The following NRXN3 variants were observed in gnomAD, a reference collection of about 807,000 sequenced individuals.
NRXN3 encodes neurexin III.
A neutral mutation model predicts 137.6 loss-of-function variants in NRXN3; 32 were observed. The observed-to-expected ratio is 0.23, with a 90% CI of 0.18 to 0.31. NRXN3 has a LOEUF of 0.31. Among genes scored for constraint, NRXN3 ranks in the 10% least tolerant of loss-of-function variants. NRXN3 has a pLI of 1.00. For missense variants in NRXN3, 1,574 were observed against 2,062.5 expected (o/e 0.76, Z 4.59); for synonymous variants, 798 against 784.5 (o/e 1.02, Z -0.29).
At chr14:79,577,668 C>A (rs558085105) in intron 16 of NRXN3, among the ~76,000 whole-genome samples, 13 of 152,294 alleles carry the variant, frequency 8.5e-5, no homozygotes, top group African/African-American at 2.9e-4. Context: ...TCCTCAAGTG[C>A]AGAGATCTTG....
At chr14:78,457,012 C>T (rs1286709350) in intron 4 of NRXN3, among the ~76,000 whole-genome samples, 1 of 148,558 alleles carries the variant, frequency 6.7e-6, no homozygotes, top group Non-Finnish European at 1.5e-5. Context: ...TCTTCCTCCT[C>T]CTCATCTCCC....
At position 78,278,701 on chromosome 14, in the gene NRXN3, C is replaced by G. The variant is rs1350489473; in HGVS notation, c.727+39C>G. 6 of 1,519,728 alleles carry G rather than the reference C, an allele frequency of 3.9e-6. No homozygotes were observed. The South Asian group carries it at 4.8e-5, about 12-fold the overall frequency. The allele number at this position is 1,519,728 out of a possible 1,614,324, so 94.1% of individuals were successfully genotyped here. A position where few individuals can be genotyped will look rare whatever the true frequency, so the allele number is the denominator to read the frequency against. ...TTTGCACAGCTGCTGTGGGAATTTC[C>G]CCTCTGCTAGATTGTGCATGGTTTG... On this transcript the variant is annotated intron_variant, in intron 3 of 20. Transcript: ENST00000335750.
At chr14:79,773,236 A>C (rs1010518399) in intron 19 of NRXN3, among the ~76,000 whole-genome samples, 9 of 152,202 alleles carry the variant, frequency 5.9e-5, no homozygotes, top group Non-Finnish European at 1.0e-4. Context: ...CTCAGGGATC[A>C]AGAACTAGAA....
chr14:79,389,449 T>C (rs1435531021), intron 15 of NRXN3, among the ~76,000 whole-genome samples: 1 of 152,234 alleles, frequency 6.6e-6, no homozygotes, highest in Non-Finnish European at 1.5e-5. Flanking sequence ...TAGTCACCAC[T>C]TAATGCTCCC....
At chr14:79,154,655 A>G (rs2060094976) in intron 15 of NRXN3, among the ~76,000 whole-genome samples, 1 of 151,796 alleles carries the variant, frequency 6.6e-6, no homozygotes, top group Non-Finnish European at 1.5e-5. Flanking sequence ...AGTTTTCTCA[A>G]CTGAAAAAAT....
At chr14:78,385,415 GTTA>G (rs1044321771) in intron 4 of NRXN3, among the ~76,000 whole-genome samples, 3 of 151,958 alleles carry the variant, frequency 2.0e-5, no homozygotes, top group Admixed American at 1.3e-4. Context: ...AATTTAAAAA[GTTA>G]TTAAGTCAGC....
intron 10 of NRXN3, among the ~76,000 whole-genome samples, chr14:78,916,348 C>T (rs1015938823): frequency 6.6e-6 from 1 of 152,002 alleles, no homozygotes; most frequent in African/African-American, 2.4e-5. Flanking sequence ...GAAAAATGTT[C>T]CAAAGAAATA....
At chr14:78,630,983 C>G (rs1335388881) in intron 4 of NRXN3, among the ~76,000 whole-genome samples, 1 of 152,164 alleles carries the variant, frequency 6.6e-6, no homozygotes, top group African/African-American at 2.4e-5. Flanking sequence ...AAATCTAAGT[C>G]TGTGGACTGT....
At chr14:79,781,638 G>A (rs932061278) in intron 19 of NRXN3, among the ~76,000 whole-genome samples, 19 of 152,268 alleles carry the variant, frequency 1.2e-4, no homozygotes, top group African/African-American at 4.1e-4. Flanking sequence ...GCAGAGACAC[G>A]GTGAAGTTCA....
chr14:79,393,756 A>G (rs2094930751), intron 15 of NRXN3, among the ~76,000 whole-genome samples: 1 of 152,186 alleles, frequency 6.6e-6, no homozygotes, highest in Non-Finnish European at 1.5e-5. Flanking sequence ...CAGAGCTTGC[A>G]GTGAGCCCAG....
intron 1 of NRXN3, among the ~76,000 whole-genome samples, chr14:78,208,794 C>T (rs750105845): frequency 6.6e-6 from 1 of 152,198 alleles, no homozygotes; most frequent in Admixed American, 6.5e-5. Flanking sequence ...CCGGGTCCAA[C>T]TCTCAGCACA....
At chr14:79,795,161 T>A (rs1297962607) in intron 19 of NRXN3, among the ~76,000 whole-genome samples, 1 of 152,204 alleles carries the variant, frequency 6.6e-6, no homozygotes, top group Non-Finnish European at 1.5e-5. Context: ...CCTCACTGTC[T>A]ATCAGAAATG....
At chr14:79,091,186 C>G (rs914852444) in intron 15 of NRXN3, among the ~76,000 whole-genome samples, 3 of 151,286 alleles carry the variant, frequency 2.0e-5, no homozygotes, top group Admixed American at 6.6e-5. Context: ...GTCAGGTGCA[C>G]TAGATGTTAT....
chr14:79,584,034 G>C (rs1186842092), intron 16 of NRXN3, among the ~76,000 whole-genome samples: 1 of 152,192 alleles, frequency 6.6e-6, no homozygotes, highest in African/African-American at 2.4e-5. Context: ...AGTCATCATA[G>C]ACTTGCAATC....
At chr14:79,246,166 T>C (rs2075155020) in intron 15 of NRXN3, among the ~76,000 whole-genome samples, 1 of 152,178 alleles carries the variant, frequency 6.6e-6, no homozygotes, top group African/African-American at 2.4e-5. Context: ...AGTAGCATAT[T>C]CCCATGGCTG....
chr14:78,421,519 A>G (rs552056655), intron 4 of NRXN3, among the ~76,000 whole-genome samples: 1 of 152,302 alleles, frequency 6.6e-6, no homozygotes, highest in East Asian at 1.9e-4. Flanking sequence ...AAATACAGAT[A>G]GATTTAGGTA....
chr14:79,364,618 A>G (rs961946997), intron 15 of NRXN3, among the ~76,000 whole-genome samples: 3 of 152,210 alleles, frequency 2.0e-5, no homozygotes, highest in African/African-American at 7.2e-5. Context: ...GTCTCTTTGC[A>G]AGTACATAAT....
chr14:79,466,140 C>G (rs2153611930), intron 15 of NRXN3, among the ~76,000 whole-genome samples: 1 of 152,278 alleles, frequency 6.6e-6, no homozygotes, highest in South Asian at 2.1e-4. Context: ...TAATTGACAA[C>G]TACCACTTGT....
rs1348640536 is a variant in NRXN3 at position 78,784,700 on chromosome 14, AG to A, written c.2045-18914del. ...ACTATTGAGAGCAAAGAATGAATGT[AG>A]GGGGGATCATTAGGAGATGATTTCG... is the stretch of plus-strand genomic sequence containing the variant. On this transcript the variant is annotated intron_variant, in intron 8 of 20. Coordinates refer to ENST00000335750, the MANE Select transcript of NRXN3 (RefSeq NM_001330195.2). Among the ~76,000 whole-genome samples the A allele has an allele frequency of 2.3e-4, 35 of 152,126 alleles. 1 individual carries two copies. The highest frequency in any genetic ancestry group is 2.3e-3 in the Admixed American group (35 of 15,260).
Sources: allele counts gnomAD v4.1 joint callset (sites outside exome capture counted in the v4.1 genomes callset), GRCh38; gene constraint gnomAD v4.1.1; transcripts MANE v1.5; gene names NCBI Gene and HGNC (gene_info 2026-07-23, HGNC 2026-07-21).